Variants in FANCA observed in about 807,000 individuals in gnomAD.
FANCA encodes Fanconi anemia group A protein.
In FANCA, 236 loss-of-function variants were observed where a neutral mutation model predicts 194.3. The observed-to-expected ratio is 1.21, with a 90% CI of 1.09 to 1.35. The LOEUF is 1.35. FANCA is among the 40% of genes most tolerant of loss of function. The pLI, the probability that FANCA is intolerant of heterozygous loss-of-function variation, is 0.00. For synonymous variants in FANCA, 1,014 were observed against 715.8 expected, an observed-to-expected ratio of 1.42 and a Z score of -6.65; for missense variants, 2,628 against 1,813.9, an observed-to-expected ratio of 1.45 and a Z score of -8.15.
rs922985213 is a variant in FANCA, at chr16:89,758,850, G to T, written c.2853-145C>A. ...TGGCGGCTCGGGACCTTGGAGTAGG[G>T]ATGAGACCTCACTGTCTGCAGGGTG... On this transcript the variant is annotated intron_variant, in intron 29 of 42. Coordinates refer to ENST00000389301, the MANE Select transcript of FANCA (RefSeq NM_000135.4). 2.5e-5 allele frequency: 30 copies of T among 1,220,634 alleles called. No individual in the cohort carries two copies. In the African/African-American group the frequency reaches 3.4e-4, roughly 14 times the overall value. The allele number at this position is 1,220,634 out of a possible 1,614,324, so 75.6% of individuals were successfully genotyped here.
intron 8 of FANCA, among the ~76,000 whole-genome samples, chr16:89,802,826 A>T (rs2040502166): frequency 1.3e-5 from 2 of 152,198 alleles, no homozygotes; most frequent in Admixed American, 6.5e-5. Flanking sequence ...TATCACAAAT[A>T]TGTGGGAGCT....
chr16:89,759,152 C>T (rs1283452847), intron 29 of FANCA, among the ~76,000 whole-genome samples: 2 of 151,158 alleles, frequency 1.3e-5, no homozygotes, highest in Admixed American at 6.6e-5. Flanking sequence ...AACCTCGTCT[C>T]TACTCAAAAT....
rs745511608 is a variant in FANCA, at chr16:89,767,211, G to C, written c.2531C>G (p.Ser844Cys). The stretch of plus-strand genomic sequence containing the variant: ...TGACTGGGAAGAAAACTTGCAGAGA[G>C]AGTAAGAAATTGCTGCTGTACAAAA... ...LKFCTAAISY[S>C]LCKFSSQSRD... is the part of the protein sequence containing the mutation. Residue 844 changes from serine to cysteine, a missense_variant, in exon 27 of 43, where the codon TCT becomes TGT. Ser to Cys is a moderately radical substitution (Grantham distance 112). Transcript: ENST00000389301. The C allele has an allele frequency of 9.3e-6, 15 of 1,613,346 alleles. No individual in the cohort carries two copies. The highest frequency in any genetic ancestry group is 1.3e-5 in the African/African-American group (1 of 74,950).
intron 14 of FANCA, among the ~76,000 whole-genome samples, chr16:89,789,175 C>G (rs1265257388): frequency 6.6e-6 from 1 of 151,934 alleles, no homozygotes; most frequent in East Asian, 1.9e-4. Flanking sequence ...TGGGGAGAGC[C>G]TGAGGGCAGG....
Position 89,738,324 on chromosome 16 carries a change from C to CG in FANCA, c.*276dup. 3 of 1,512,276 alleles carry CG rather than the reference C, an allele frequency of 2.0e-6. No individual in the cohort carries two copies. The highest frequency in any genetic ancestry group is 2.7e-6 in the Non-Finnish European group (3 of 1,130,946). 93.7% of individuals were successfully genotyped at this position (1,512,276 alleles called of 1,614,324 possible). A position where few individuals can be genotyped will look rare whatever the true frequency, so the allele number is the denominator to read the frequency against. ...GTCAGCCTCACCCTTCGTGTGCACC[C>CG]GCATGGGAGGGTCGGAGGGTGCTGC... is the stretch of plus-strand genomic sequence containing the variant. On this transcript the variant is annotated 3_prime_UTR_variant, in exon 43 of 43. Transcript: ENST00000389301.
Position 89,792,463 on chromosome 16 carries a change from C to T in FANCA, c.1083+8G>A. 1 of 1,612,806 alleles carries T rather than the reference C, an allele frequency of 6.2e-7. No individual in the cohort carries two copies. The highest frequency in any genetic ancestry group is 8.5e-7 in the Non-Finnish European group (1 of 1,179,540). On this transcript the variant is annotated splice_region_variant and intron_variant, in intron 12 of 42. Coordinates refer to ENST00000389301, the MANE Select transcript of FANCA (RefSeq NM_000135.4). ...CTCAGAAGCAGGTATAATACCACATCCACTCACCCTGCGGTACAGTGAGGT... is the reference window on the plus strand; with the variant it reads ...CTCAGAAGCAGGTATAATACCACATTCACTCACCCTGCGGTACAGTGAGGT...
intron 10 of FANCA, among the ~76,000 whole-genome samples, chr16:89,796,928 G>C (rs555399583): frequency 3.0e-4 from 46 of 152,134 alleles, no homozygotes; most frequent in Non-Finnish European, 6.5e-4. Flanking sequence ...GGAGGCCAAG[G>C]GGGGCAGATG....
chr16:89,813,277 G>A (rs989117881), intron 3 of FANCA, among the ~76,000 whole-genome samples: 3 of 151,770 alleles, frequency 2.0e-5, no homozygotes, highest in Non-Finnish European at 2.9e-5. Flanking sequence ...GCATGGTGGC[G>A]CACACCTGTA....
chr16:89,778,141 AAC>A (rs1197983887), intron 20 of FANCA, among the ~76,000 whole-genome samples: 3 of 144,554 alleles, frequency 2.1e-5, no homozygotes, highest in Admixed American at 6.9e-5. Flanking sequence ...CAGCCTGGGC[AAC>A]AGAGTGAGAC....
intron 26 of FANCA, 113 bp downstream of exon 26, chr16:89,769,724 G>A (rs940851127): frequency 4.2e-6 from 5 of 1,189,784 alleles, no homozygotes; most frequent in Middle Eastern, 1.9e-4. Context: ...GCTAAAAAGT[G>A]GTTATCTTTG....
chr16:89,758,032 T>C (rs1464876370), intron 30 of FANCA, among the ~76,000 whole-genome samples: 2 of 151,898 alleles, frequency 1.3e-5, no homozygotes, highest in Non-Finnish European at 2.9e-5. Context: ...ATTTTTGTAT[T>C]TTTAGTAGAG....
intron 8 of FANCA, among the ~76,000 whole-genome samples, chr16:89,800,780 C>T (rs2040419429): frequency 6.6e-6 from 1 of 152,176 alleles, no homozygotes; most frequent in South Asian, 2.1e-4. Flanking sequence ...CCTGTAATCC[C>T]AGCACTTTCG....
chr16:89,739,316 G>A (rs768026295), intron 40 of FANCA, 27 bp from the exon 41 acceptor site: 2 of 1,613,876 alleles, frequency 1.2e-6, no homozygotes, highest in Non-Finnish European at 1.7e-6. Flanking sequence ...AGTGACAAAT[G>A]GCTACAGACT....
chr16:89,792,754 G>T, intron 11 of FANCA: 1 of 513,970 alleles, frequency 1.9e-6, no homozygotes, highest in Non-Finnish European at 3.6e-6. Context: ...GACCGGTAGT[G>T]GCCCTGAATG....
At chr16:89,787,896 C>T (rs567804351) in intron 14 of FANCA, among the ~76,000 whole-genome samples, 7 of 150,814 alleles carry the variant, frequency 4.6e-5, no homozygotes, top group African/African-American at 9.8e-5. Context: ...TTTTTTGAGA[C>T]GGGGTCTTGC....
rs2039263207 is a variant in FANCA at position 89,769,904 on chromosome 16, G to A, written c.2437C>T (p.Pro813Ser). 1 of 1,614,000 alleles carries A rather than the reference G, an allele frequency of 6.2e-7. No individual in the cohort carries two copies. The highest frequency in any genetic ancestry group is 8.5e-7 in the Non-Finnish European group (1 of 1,180,014). ...VGPPAPGAGL[P>S]VPALFDSLLT... ...AGGCTGTCAAAGAGCGCAGGGACAG[G>A]AAGGCCAGCACCAGGTGCAGGAGGA... The change falls in exon 26 of 43, where the codon CCT becomes TCT. Residue 813 changes from proline (P) to serine (S), a missense_variant. Physicochemically the swap from Pro to Ser is moderately conservative, Grantham distance 74 (BLOSUM62 -1). Coordinates refer to ENST00000389301, the MANE Select transcript of FANCA (RefSeq NM_000135.4).
chr16:89,801,512 G>A (rs2040453801), intron 8 of FANCA, among the ~76,000 whole-genome samples: 1 of 152,138 alleles, frequency 6.6e-6, no homozygotes, highest in Non-Finnish European at 1.5e-5. Context: ...CAGTGAGAAT[G>A]TAAATTAATA....
In FANCA at chr16:89,798,425, G is replaced by A. The variant is rs17226033; in HGVS notation, c.893+741C>T. 10,382 of 1,080,402 alleles carry A rather than the reference G, an allele frequency of 9.6e-3. 181 individuals are homozygous for A. Among genetic ancestry groups the A allele is most frequent in the South Asian group, 0.087 (2,173 of 24,930 alleles). The allele number at this position is 1,080,402 out of a possible 1,614,324, so 66.9% of individuals were successfully genotyped here. On this transcript the variant is annotated intron_variant, in intron 10 of 42. Coordinates refer to ENST00000389301, the MANE Select transcript of FANCA (RefSeq NM_000135.4). The stretch of plus-strand genomic sequence containing the variant: ...CGAACGGTACAACACATTTAATTGA[G>A]CAGTTAAACAGTTACTGTGAGGGAT...
At position 89,755,233 on chromosome 16, in the gene FANCA, C is replaced by G. The variant is rs1328333356; in HGVS notation, c.2982-3011G>C. Among the ~76,000 whole-genome samples, 8 of 149,440 alleles carry G rather than the reference C, an allele frequency of 5.4e-5. No homozygotes were observed. The East Asian group carries it at 1.6e-3, about 29-fold the overall frequency. On this transcript the variant is annotated intron_variant, in intron 30 of 42. Coordinates refer to ENST00000389301, the MANE Select transcript of FANCA (RefSeq NM_000135.4). ...AACAATTTTTTTTTTTTTTTTGAGACAGTCTCTCACTCTGTCGCCCAGGCT... is the reference window on the plus strand; with the variant it reads ...AACAATTTTTTTTTTTTTTTTGAGAGAGTCTCTCACTCTGTCGCCCAGGCT...
Sources: allele counts gnomAD v4.1 joint callset (sites outside exome capture counted in the v4.1 genomes callset), GRCh38; gene constraint gnomAD v4.1.1; transcripts MANE v1.5; gene names NCBI Gene and HGNC (gene_info 2026-07-23, HGNC 2026-07-21).